Variants in MTG2 observed in about 807,000 individuals in gnomAD.
The protein encoded by MTG2 is mitochondrial ribosome-associated GTPase 2.
Under a neutral mutation model 28.6 loss-of-function variants are expected in MTG2, and 23 were observed. That is an observed-to-expected ratio of 0.80 (90% CI 0.58 to 1.14). The LOEUF is 1.14. Among genes scored for constraint, MTG2 ranks in the 50% most tolerant of loss-of-function variants. The probability of loss-of-function intolerance (pLI) is 0.00; values close to 1 mark genes in which losing one functional copy is unlikely to be tolerated. For missense variants in MTG2, 539 were observed against 552.0 expected, an observed-to-expected ratio of 0.98 and a Z score of 0.24; for synonymous variants, 260 against 251.8, an observed-to-expected ratio of 1.03 and a Z score of -0.31.
chr20:62,196,379 T>A (rs2058058725), intron 3 of MTG2, among the ~76,000 whole-genome samples: 1 of 150,052 alleles, frequency 6.7e-6, no homozygotes, highest in Non-Finnish European at 1.5e-5. Flanking sequence ...AAAAGTAAAA[T>A]TTTTAAAACC....
At chr20:62,191,139 A>G (rs934139447) in intron 1 of MTG2, among the ~76,000 whole-genome samples, 3 of 152,194 alleles carry the variant, frequency 2.0e-5, no homozygotes, top group African/African-American at 7.2e-5. Context: ...ATTGGGAATG[A>G]GGACGTCCTG....
intron 1 of MTG2, among the ~76,000 whole-genome samples, chr20:62,183,765 G>A (rs1395159282): frequency 6.6e-6 from 1 of 152,214 alleles, no homozygotes; most frequent in Non-Finnish European, 1.5e-5. Flanking sequence ...ATAAAAGGGG[G>A]ACGGGAAAGG....
In MTG2 at chr20:62,193,558, C is replaced by T. The variant is rs144441656; in HGVS notation, c.138C>T (p.Val46=). 5.3e-5 allele frequency: 85 copies of T among 1,613,904 alleles called. No homozygotes were observed. In the African/African-American group the frequency reaches 6.7e-4, roughly 13 times the overall value. ...GGGCTTCTCCCAGGCTGCTCTCGGT[C>T]GGCCGTGCGGACCTCGCCAAGCATC... ...PQRASPRLLS[V]GRADLAKHQE... is the part of the protein sequence containing the mutation. The change falls in exon 2 of 7, where the codon GTC becomes GTT. Residue 46 remains valine (V), a synonymous_variant. Transcript: ENST00000370823.
intron 3 of MTG2, 116 bp from the exon 4 acceptor site, chr20:62,197,736 C>T (rs1330519261): frequency 5.5e-6 from 4 of 730,316 alleles, no homozygotes; most frequent in East Asian, 2.7e-5. Flanking sequence ...TCTGCTGCAC[C>T]CTCACTCCAT....
chr20:62,197,889 G>A lies in MTG2; in HGVS notation c.390G>A (p.Ser130=), dbSNP rs143808782. 371 of 1,614,172 alleles carry A rather than the reference G, an allele frequency of 2.3e-4. No homozygotes were observed. The African/African-American group carries it at 4.3e-3, about 19-fold the overall frequency. Residue 130 remains serine (S), a synonymous_variant, in exon 4 of 7, where the codon TCG becomes TCA. Transcript: ENST00000370823. ...TCAAGTCCCTGTCGTCGGTCCTGTC[G>A]CGGTACCAGGGTTTCAGTGGAGAAG... is the stretch of plus-strand genomic sequence containing the variant. ...QQVKSLSSVL[S]RYQGFSGEDG... is the part of the protein sequence containing the mutation.
intron 1 of MTG2, among the ~76,000 whole-genome samples, chr20:62,184,228 G>A (rs971406082): frequency 1.3e-5 from 2 of 152,150 alleles, no homozygotes; most frequent in South Asian, 4.1e-4. Flanking sequence ...CGTGGTGGCA[G>A]GCGCCTGTAA....
chr20:62,196,097 G>A (rs926137781), intron 3 of MTG2, 148 bp downstream of exon 3: 12 of 921,870 alleles, frequency 1.3e-5, no homozygotes, highest in Non-Finnish European at 1.8e-5. Context: ...AGGATCACTT[G>A]AGCCCATAAG....
chr20:62,198,724 G>A lies in MTG2; in HGVS notation c.559G>A (p.Ala187Thr). ...GDEYIAALGG[A>T]GGKGNRFFLA... ...TGAGTACATTGCCGCGCTGGGCGGGGCAGGAGGGAAAGGCAACCGCTTCTT... is the reference window on the plus strand; with the variant it reads ...TGAGTACATTGCCGCGCTGGGCGGGACAGGAGGGAAAGGCAACCGCTTCTT... The change falls in exon 5 of 7, where the codon GCA (alanine) becomes ACA (threonine). Residue 187 changes from alanine to threonine, a missense_variant. Transcript: ENST00000370823. 6.2e-7 allele frequency: 1 copy of A among 1,614,164 alleles called. No homozygotes were observed. The highest frequency in any genetic ancestry group is 8.5e-7 in the Non-Finnish European group (1 of 1,180,048).
intron 1 of MTG2, 31 bp from the exon 2 acceptor site, chr20:62,193,385 G>A: frequency 6.2e-7 from 1 of 1,604,978 alleles, no homozygotes; most frequent in Non-Finnish European, 8.5e-7. Context: ...ATTAAACCAA[G>A]TATCTCATTT....
chr20:62,197,651 T>C, intron 3 of MTG2: 1 of 560,402 alleles, frequency 1.8e-6, no homozygotes, highest in Non-Finnish European at 3.2e-6. Context: ...TTTAAAAATT[T>C]TCAGAAATGA....
chr20:62,197,027 C>T (rs1055118344), intron 3 of MTG2, among the ~76,000 whole-genome samples: 8 of 151,448 alleles, frequency 5.3e-5, no homozygotes, highest in Admixed American at 1.3e-4. Context: ...AGTGAAACTC[C>T]GTCTCAAAAA....
At chr20:62,191,664 C>T (rs1202381319) in intron 1 of MTG2, among the ~76,000 whole-genome samples, 1 of 152,148 alleles carries the variant, frequency 6.6e-6, no homozygotes, top group Non-Finnish European at 1.5e-5. Flanking sequence ...CCGCTCTGGC[C>T]CCGTGTTGAG....
intron 1 of MTG2, among the ~76,000 whole-genome samples, chr20:62,183,681 A>C (rs975742508): frequency 1.2e-4 from 19 of 152,206 alleles, no homozygotes; most frequent in Admixed American, 6.5e-5. Context: ...ACAGACCTGT[A>C]GGTGGGAATT....
chr20:62,193,011 A>G (rs2057991000), intron 1 of MTG2, among the ~76,000 whole-genome samples: 1 of 152,190 alleles, frequency 6.6e-6, no homozygotes, highest in Non-Finnish European at 1.5e-5. Context: ...CCAATGTAAC[A>G]ACTTTAAAAT....
intron 1 of MTG2, among the ~76,000 whole-genome samples, chr20:62,188,242 C>G (rs2057887460): frequency 6.6e-6 from 1 of 151,700 alleles, no homozygotes; most frequent in South Asian, 2.1e-4. Flanking sequence ...TTAGAAGAAG[C>G]TTGTTTGATT....
At position 62,193,546 on chromosome 20, in the gene MTG2, G is replaced by T. The variant is rs1162904151; in HGVS notation, c.126G>T (p.Arg42Ser). ...SRLLPQRASP[R>S]LLSVGRADLA... ...TACTGCCACAGCGGGCTTCTCCCAG[G>T]CTGCTCTCGGTCGGCCGTGCGGACC... Residue 42 changes from arginine to serine, a missense_variant, in exon 2 of 7, where the codon AGG becomes AGT. By Grantham distance (110) the Arg-to-Ser change is moderately radical (BLOSUM62 -1). Coordinates refer to ENST00000370823, the MANE Select transcript of MTG2 (RefSeq NM_015666.4). The T allele has an allele frequency of 1.9e-6, 3 of 1,614,100 alleles. No individual in the cohort carries two copies. The highest frequency in any genetic ancestry group is 2.2e-5 in the South Asian group (2 of 91,070).
At position 62,183,444 on chromosome 20, in the gene MTG2, C is replaced by T. The variant is rs188553064; in HGVS notation, c.-6+387C>T. On this transcript the variant is annotated intron_variant, in intron 1 of 6. Coordinates refer to ENST00000370823, the MANE Select transcript of MTG2 (RefSeq NM_015666.4). ...TTGATCCAGCGCTCTAAGTATTAAA[C>T]ATTTTAAAGTGATTATTGGCAGTAT... Among the ~76,000 whole-genome samples the T allele has an allele frequency of 2.5e-4, 38 of 152,352 alleles. No homozygotes were observed. The East Asian group carries it at 6.5e-3, about 26-fold the overall frequency.
rs955803384 is a variant in MTG2 at position 62,195,808 on chromosome 20, T to A, written c.211T>A (p.Tyr71Asn). The A allele has an allele frequency of 1.2e-6, 2 of 1,614,058 alleles. No homozygotes were observed. Among genetic ancestry groups the A allele is most frequent in the African/African-American group, 2.7e-5 (2 of 74,918 alleles). Residue 71 changes from tyrosine to asparagine, a missense_variant, in exon 3 of 7, where the codon TAC (tyrosine) becomes AAC (asparagine). Transcript: ENST00000370823. ...ATATTTGTGTTCTCTGTAGAAAAGG[T>A]ACTTTGTGGACTATCGGAGAGTGCT... is the stretch of plus-strand genomic sequence containing the variant. ...KLLSEKKLKR[Y>N]FVDYRRVLVC...
chr20:62,197,739 C>T, intron 3 of MTG2, 113 bp from the exon 4 acceptor site: 4 of 760,390 alleles, frequency 5.3e-6, no homozygotes, highest in Non-Finnish European at 8.9e-6. Flanking sequence ...GCTGCACCCT[C>T]ACTCCATGCT....
Sources: allele counts gnomAD v4.1 joint callset (sites outside exome capture counted in the v4.1 genomes callset), GRCh38; gene constraint gnomAD v4.1.1; transcripts MANE v1.5; gene names NCBI Gene and HGNC (gene_info 2026-07-23, HGNC 2026-07-21).